The following PTCHD1 variants were observed in gnomAD, a reference collection of about 807,000 sequenced individuals.
PTCHD1 encodes patched domain containing 1, also known as patched domain-containing protein 1.
In PTCHD1, 3 loss-of-function variants were observed where a neutral mutation model predicts 34.6. The ratio of observed to expected loss-of-function variants is 0.09; its 90% CI spans 0.04 to 0.22. The LOEUF is 0.22. PTCHD1 is among the 10% of genes least tolerant of loss of function. The pLI is 1.00. For synonymous variants in PTCHD1, 305 were observed against 283.1 expected (o/e 1.08, Z -0.77); for missense variants, 504 against 685.5 (o/e 0.74, Z 2.96).
intron 1 of PTCHD1, among the ~76,000 whole-genome samples, chrX:23,370,897 T>G (rs1486435899): frequency 5.4e-5 from 6 of 111,504 alleles, no homozygotes; most frequent in Non-Finnish European, 9.4e-5. Flanking sequence ...GTTGTCTTTT[T>G]TCTAAAATCC....
intron 1 of PTCHD1, among the ~76,000 whole-genome samples, chrX:23,349,818 G>A (rs745892457): frequency 3.6e-5 from 4 of 110,286 alleles, no homozygotes; most frequent in South Asian, 7.8e-4. Flanking sequence ...GGGACAGCAT[G>A]TCTACTACTC....
chrX:23,350,061 A>AT (rs1491421724), intron 1 of PTCHD1, among the ~76,000 whole-genome samples: 13 of 32,372 alleles, frequency 4.0e-4, no homozygotes, highest in Non-Finnish European at 6.0e-4. Context: ...TAGTGCTGTT[A>AT]AAAAAAAAAA....
At position 23,402,369 on chromosome X, in the gene PTCHD1, C is replaced by T. The variant is rs1489250722; in HGVS notation, c.*8184C>T. 1 of 111,086 alleles carries T rather than the reference C, an allele frequency of 9.0e-6. No homozygotes were observed. Among genetic ancestry groups the T allele is most frequent in the Non-Finnish European group, 1.9e-5 (1 of 53,018 alleles). The allele number at this position is 111,086 out of a possible 1,213,427, so 9.2% of individuals were successfully genotyped here. A position where few individuals can be genotyped will look rare whatever the true frequency, so the allele number is the denominator to read the frequency against. ...GATGGGAGGGGACATTAAGAGGAAC[C>T]CTAGTGCAGTTCCCCCAAAAAACCT... On this transcript the variant is annotated 3_prime_UTR_variant, in exon 3 of 3. Transcript: ENST00000379361.
rs752965623 is a variant in PTCHD1, at chrX:23,349,010, G to T, written c.351+13784G>T. On this transcript the variant is annotated intron_variant, in intron 1 of 2. Transcript: ENST00000379361. ...AAATGAATGGCAGCCATGTCACAAGGCATGTGAGGGAGGAATTGTGAATAC... is the reference window on the plus strand; with the variant it reads ...AAATGAATGGCAGCCATGTCACAAGTCATGTGAGGGAGGAATTGTGAATAC... Among the ~76,000 whole-genome samples, 4 of 111,877 alleles carry T rather than the reference G, an allele frequency of 3.6e-5. No homozygotes were observed. In the East Asian group the frequency reaches 1.1e-3, roughly 31 times the overall value.
chrX:23,335,279 G>C (rs1207712109), intron 1 of PTCHD1, 53 bp downstream of exon 1: 1 of 1,010,629 alleles, frequency 9.9e-7, no homozygotes, highest in East Asian at 3.1e-5. Flanking sequence ...CCGCGGTCGG[G>C]CTGGCTCTGC....
intron 1 of PTCHD1, among the ~76,000 whole-genome samples, chrX:23,351,741 G>A: frequency 1.8e-5 from 2 of 112,559 alleles, no homozygotes; most frequent in South Asian, 7.3e-4. Flanking sequence ...AGTAGCCATT[G>A]AATTTATCTT....
At chrX:23,389,356 G>C (rs1057362334) in intron 2 of PTCHD1, among the ~76,000 whole-genome samples, 1 of 111,847 alleles carries the variant, frequency 8.9e-6, no homozygotes, top group Non-Finnish European at 1.9e-5. Context: ...CAGGACAGCT[G>C]CCAGCCAGGC....
At chrX:23,392,070 C>CTTTTTTT (rs1464413678) in intron 2 of PTCHD1, among the ~76,000 whole-genome samples, 2 of 39,479 alleles carry the variant, frequency 5.1e-5, no homozygotes, top group African/African-American at 4.6e-4. Flanking sequence ...TTCTTTCTTT[C>CTTTTTTT]TTTCTTTTTT....
In PTCHD1 at chrX:23,343,169, T is replaced by C. The variant is rs770207994; in HGVS notation, c.351+7943T>C. Among the ~76,000 whole-genome samples the C allele has an allele frequency of 2.7e-5, 3 of 112,892 alleles. No homozygotes were observed. In the Admixed American group the frequency reaches 2.8e-4, roughly 11 times the overall value. On this transcript the variant is annotated intron_variant, in intron 1 of 2. Transcript: ENST00000379361. ...TGCCTGGTAGCATGACCATGTGATT[T>C]CTTGTGCTCTATATTCATTTTTCAT...
intron 1 of PTCHD1, among the ~76,000 whole-genome samples, chrX:23,350,282 A>G (rs1401091120): frequency 1.8e-5 from 2 of 110,913 alleles, no homozygotes; most frequent in Non-Finnish European, 3.8e-5. Flanking sequence ...GGTGGCCCCT[A>G]TCAACATCCC....
intron 1 of PTCHD1, among the ~76,000 whole-genome samples, chrX:23,335,507 G>T (rs918535267): frequency 8.8e-6 from 1 of 113,389 alleles, no homozygotes; most frequent in African/African-American, 3.2e-5. Flanking sequence ...TGTGGTCGGT[G>T]CGCTTGTTTT....
At chrX:23,377,709 G>C (rs928917827) in intron 1 of PTCHD1, among the ~76,000 whole-genome samples, 1 of 110,534 alleles carries the variant, frequency 9.0e-6, no homozygotes, top group Non-Finnish European at 1.9e-5. Flanking sequence ...TACCCATGAA[G>C]AGATGGGGGG....
chrX:23,344,592 G>A (rs1444405197), intron 1 of PTCHD1, among the ~76,000 whole-genome samples: 1 of 111,494 alleles, frequency 9.0e-6, no homozygotes, highest in African/African-American at 3.3e-5. Flanking sequence ...ACAGACAATT[G>A]GATTCAACCT....
chrX:23,373,098 T>A (rs1922320442), intron 1 of PTCHD1, among the ~76,000 whole-genome samples: 2 of 112,696 alleles, frequency 1.8e-5, no homozygotes, highest in East Asian at 5.6e-4. Flanking sequence ...ATACTGCAAT[T>A]GCATTTTCCT....
chrX:23,338,149 T>C (rs781041256), intron 1 of PTCHD1, among the ~76,000 whole-genome samples: 4 of 111,843 alleles, frequency 3.6e-5, no homozygotes, highest in African/African-American at 1.3e-4. Context: ...CCCCCCAGCG[T>C]TGGTTTCCCC....
chrX:23,402,516 A>C lies in PTCHD1; in HGVS notation c.*8331A>C, dbSNP rs1244821028. On this transcript the variant is annotated 3_prime_UTR_variant, in exon 3 of 3. Transcript: ENST00000379361. ...TTGTTCTGGATTGTCTATAAGATAA[A>C]GATACAGAGCCTGAATCTATGTTTT... 1 of 112,224 alleles carries C rather than the reference A, an allele frequency of 8.9e-6. No individual in the cohort carries two copies. Among genetic ancestry groups the C allele is most frequent in the Non-Finnish European group, 1.9e-5 (1 of 53,237 alleles). The allele number at this position is 112,224 out of a possible 1,213,427, so 9.2% of individuals were successfully genotyped here.
intron 1 of PTCHD1, among the ~76,000 whole-genome samples, chrX:23,363,777 C>T (rs1317262967): frequency 8.9e-6 from 1 of 112,566 alleles, no homozygotes; most frequent in Non-Finnish European, 1.9e-5. Context: ...TCCTATTCGG[C>T]CATCTTGGAA....
chrX:23,381,419 G>A (rs1015488895), intron 2 of PTCHD1, among the ~76,000 whole-genome samples: 2 of 112,612 alleles, frequency 1.8e-5, no homozygotes, highest in African/African-American at 6.5e-5. Context: ...AAATTAAAAT[G>A]TCATTTGGAA....
At chrX:23,370,079 A>C (rs138595286) in intron 1 of PTCHD1, among the ~76,000 whole-genome samples, 161 of 112,595 alleles carry the variant, frequency 1.4e-3, no homozygotes, top group South Asian at 0.013. Context: ...TCAGACATTT[A>C]CTGGGTACCA....
Sources: gnomAD v4.1 joint callset for allele counts (sites outside exome capture counted in the v4.1 genomes callset) on GRCh38, gnomAD v4.1.1 for gene constraint, MANE v1.5 for transcripts, NCBI Gene and HGNC (gene_info 2026-07-23, HGNC 2026-07-21) for gene names.